FARP1: variants seen among roughly 807,000 people sequenced by gnomAD.
FARP1 encodes FERM, ARHGEF and pleckstrin domain-containing protein 1.
Under a neutral mutation model 128.8 loss-of-function variants are expected in FARP1, and 52 were observed. That is an observed-to-expected ratio of 0.40 (90% CI 0.32 to 0.51). The LOEUF (loss-of-function observed/expected upper bound fraction) is 0.51. Among genes scored for constraint, FARP1 ranks in the 20% least tolerant of loss-of-function variants. The pLI, the probability that FARP1 is intolerant of heterozygous loss-of-function variation, is 0.45. For missense variants in FARP1, 1,333 were observed against 1,367.9 expected (o/e 0.97, Z 0.40); for synonymous variants, 580 against 551.8 (o/e 1.05, Z -0.72).
intron 2 of FARP1, among the ~76,000 whole-genome samples, chr13:98,255,525 A>G (rs1358394798): frequency 6.6e-6 from 1 of 152,076 alleles, no homozygotes; most frequent in Non-Finnish European, 1.5e-5. Context: ...AACAAAAACT[A>G]GTGGTTGCTG....
chr13:98,296,295 C>T (rs1885683921), intron 2 of FARP1, among the ~76,000 whole-genome samples: 1 of 152,094 alleles, frequency 6.6e-6, no homozygotes, highest in African/African-American at 2.4e-5. Flanking sequence ...TCCCGTGGCC[C>T]CCCGATTGCA....
Position 98,186,569 on chromosome 13 carries a change from C to T in FARP1, c.-23-26651C>T, listed in dbSNP as rs565363532. Among the ~76,000 whole-genome samples the T allele has an allele frequency of 4.0e-4, 61 of 152,312 alleles. 1 individual carries two copies. The highest frequency in any genetic ancestry group is 1.3e-3 in the African/African-American group (53 of 41,568). The stretch of plus-strand genomic sequence containing the variant: ...CTAATTTCACTTAGCATAATCTCTT[C>T]GTGCTTCATGTTGTAGCATGCGTCA... On this transcript the variant is annotated intron_variant, in intron 1 of 26. Transcript: ENST00000319562.
intron 2 of FARP1, among the ~76,000 whole-genome samples, chr13:98,335,856 A>G (rs1887717255): frequency 1.3e-5 from 2 of 152,228 alleles, no homozygotes; most frequent in African/African-American, 4.8e-5. Flanking sequence ...GGAGAAGGGC[A>G]CAAGGCCTTC....
intron 2 of FARP1, among the ~76,000 whole-genome samples, chr13:98,268,164 T>A (rs1212194079): frequency 6.6e-6 from 1 of 152,144 alleles, no homozygotes; most frequent in Non-Finnish European, 1.5e-5. Flanking sequence ...AAATTCACAT[T>A]TCAGTGTCCA....
intron 2 of FARP1, among the ~76,000 whole-genome samples, chr13:98,334,814 A>G (rs372351861): frequency 6.6e-6 from 1 of 152,220 alleles, no homozygotes; most frequent in African/African-American, 2.4e-5. Context: ...CACAAGGAGA[A>G]GGTGGCCATC....
chr13:98,218,577 C>T (rs922130655), intron 2 of FARP1, among the ~76,000 whole-genome samples: 8 of 152,108 alleles, frequency 5.3e-5, no homozygotes, highest in African/African-American at 9.7e-5. Flanking sequence ...CCTTGAGGCC[C>T]CCAAAGCCTG....
intron 5 of FARP1, among the ~76,000 whole-genome samples, chr13:98,369,554 C>T (rs2139980547): frequency 6.6e-6 from 1 of 152,018 alleles, no homozygotes; most frequent in African/African-American, 2.4e-5. Flanking sequence ...TGTGATGTTC[C>T]CCTTCCTGTG....
chr13:98,446,756 A>G lies in FARP1; in HGVS notation c.2995A>G (p.Lys999Glu). Reference sequence around the variant, plus strand: ...GAACATCCAGAAAGACTACGTGTTCAAGCTGCACTTCAAGTCCCACGTCTA... The same window carrying G: ...GAACATCCAGAAAGACTACGTGTTCGAGCTGCACTTCAAGTCCCACGTCTA... The part of the protein sequence containing the change: ...SENIQKDYVF[K>E]LHFKSHVYYF... Residue 999 changes from lysine to glutamate, a missense_variant, in exon 26 of 27, where the codon AAG becomes GAG. By Grantham distance (56) the Lys-to-Glu change is moderately conservative (BLOSUM62 1). Around this residue, in one of 2 missense-constraint regions of FARP1, gnomAD observed 1,009 missense variants for 969.8 expected, o/e 1.04. Coordinates refer to ENST00000319562, the MANE Select transcript of FARP1 (RefSeq NM_005766.4). The G allele has an allele frequency of 6.2e-7, 1 of 1,614,140 alleles. No homozygotes were observed. Among genetic ancestry groups the G allele is most frequent in the Non-Finnish European group, 8.5e-7 (1 of 1,180,022 alleles).
At chr13:98,313,333 C>CACAA (rs71111944) in intron 2 of FARP1, among the ~76,000 whole-genome samples, 1 of 151,816 alleles carries the variant, frequency 6.6e-6, no homozygotes, top group Non-Finnish European at 1.5e-5. Context: ...CACACACACA[C>CACAA]ACACACCTGC....
chr13:98,268,940 C>T (rs1413300007), intron 2 of FARP1, among the ~76,000 whole-genome samples: 2 of 151,784 alleles, frequency 1.3e-5, no homozygotes, highest in Non-Finnish European at 2.9e-5. Context: ...CCATATTCCC[C>T]AGGCTGGTCT....
At chr13:98,144,892 G>A (rs1451085573) in intron 1 of FARP1, among the ~76,000 whole-genome samples, 1 of 152,150 alleles carries the variant, frequency 6.6e-6, no homozygotes, top group African/African-American at 2.4e-5. Context: ...TCTTTCGGAT[G>A]GGTTGGTCTC....
At chr13:98,392,361 G>A (rs922456577) in intron 11 of FARP1, among the ~76,000 whole-genome samples, 2 of 146,356 alleles carry the variant, frequency 1.4e-5, no homozygotes, top group East Asian at 2.0e-4. Context: ...TTAGCTGGAT[G>A]TGGTGGTGCA....
At position 98,289,638 on chromosome 13, in the gene FARP1, C is replaced by T. The variant is rs376348419; in HGVS notation, c.172-54124C>T. On this transcript the variant is annotated intron_variant, in intron 2 of 26. Transcript: ENST00000319562. ...CCTGCTCTCAAGGAGATCACTGTCT[C>T]GATACACAGATGCTCAGAGCCCTGC... 1.5e-3 allele frequency among the ~76,000 whole-genome samples: 221 copies of T among 152,226 alleles called. 2 individuals are homozygous for T. Among genetic ancestry groups the T allele is most frequent in the African/African-American group, 4.9e-3 (202 of 41,524 alleles).
intron 9 of FARP1, among the ~76,000 whole-genome samples, 181 bp downstream of exon 9, chr13:98,388,659 T>C (rs1890190825): frequency 6.6e-6 from 1 of 152,218 alleles, no homozygotes; most frequent in Non-Finnish European, 1.5e-5. Flanking sequence ...TCGGTAACTC[T>C]ACGGCTGTCA....
chr13:98,264,110 T>A (rs1456067720), intron 2 of FARP1, among the ~76,000 whole-genome samples: 1 of 152,200 alleles, frequency 6.6e-6, no homozygotes, highest in African/African-American at 2.4e-5. Context: ...GTCATCTACC[T>A]CTGCCCTAAT....
intron 24 of FARP1, 69 bp from the exon 25 acceptor site, chr13:98,446,029 A>C: frequency 7.7e-6 from 8 of 1,043,122 alleles, no homozygotes; most frequent in South Asian, 1.3e-5. Flanking sequence ...TGGTGCAGGG[A>C]GAGCTGCTCT....
chr13:98,386,232 G>A (rs1890093830), intron 8 of FARP1, among the ~76,000 whole-genome samples: 1 of 139,636 alleles, frequency 7.2e-6, no homozygotes, highest in African/African-American at 2.7e-5. Flanking sequence ...GCTTGAGCCA[G>A]CTTATTTGGT....
rs537276182 is a variant in FARP1 at position 98,317,005 on chromosome 13, C to G, written c.172-26757C>G. On this transcript the variant is annotated intron_variant, in intron 2 of 26. Coordinates refer to ENST00000319562, the MANE Select transcript of FARP1 (RefSeq NM_005766.4). ...ATCACCCCCAGAATTACAGTTTTTG[C>G]AAGTGTAGGGCTTCCTTTTGGAGAA... Among the ~76,000 whole-genome samples the G allele has an allele frequency of 7.9e-5, 12 of 152,298 alleles. No homozygotes were observed. The South Asian group carries it at 2.5e-3, about 32-fold the overall frequency.
At chr13:98,424,365 T>G (rs1239418069) in intron 16 of FARP1, among the ~76,000 whole-genome samples, 1 of 152,238 alleles carries the variant, frequency 6.6e-6, no homozygotes, top group Non-Finnish European at 1.5e-5. Flanking sequence ...CTTGTCTCTT[T>G]CAAAGCATAA....
Sources: allele counts gnomAD v4.1 joint callset (sites outside exome capture counted in the v4.1 genomes callset), GRCh38; gene constraint gnomAD v4.1.1; regional missense constraint gnomAD v4.1.1; transcripts MANE v1.5; gene names NCBI Gene and HGNC (gene_info 2026-07-23, HGNC 2026-07-21).